The following RASA1 variants were observed in gnomAD, a reference collection of about 807,000 sequenced individuals.
RASA1 encodes RAS p21 protein activator 1, also known as ras GTPase-activating protein 1.
RASA1 carries 25 observed loss-of-function variants against 132.2 expected under a neutral mutation model. The observed-to-expected ratio is 0.19, with a 90% confidence interval of 0.14 to 0.26. The LOEUF is 0.26. RASA1 is among the 10% of genes least tolerant of loss of function. The pLI, the probability that RASA1 is intolerant of heterozygous loss-of-function variation, is 1.00. For synonymous variants in RASA1, 477 were observed against 449.9 expected, an observed-to-expected ratio of 1.06 and a Z score of -0.76; for missense variants, 964 against 1,299.2, an observed-to-expected ratio of 0.74 and a Z score of 3.97.
chr5:87,323,223 T>A (rs1756956044), intron 1 of RASA1, among the ~76,000 whole-genome samples: 1 of 152,192 alleles, frequency 6.6e-6, no homozygotes, highest in Non-Finnish European at 1.5e-5. Flanking sequence ...TTCACCCTTA[T>A]TTTTTTAAAA....
At chr5:87,364,325 A>G (rs1392334243) in intron 11 of RASA1, among the ~76,000 whole-genome samples, 2 of 152,144 alleles carry the variant, frequency 1.3e-5, no homozygotes, top group Admixed American at 1.3e-4. Flanking sequence ...TGTGTTTAGG[A>G]GATCACATTA....
intron 1 of RASA1, among the ~76,000 whole-genome samples, chr5:87,271,452 CTTTTTTTTTTTTTTTT>C (rs201918763): frequency 0.012 from 454 of 38,262 alleles, 16 homozygotes; most frequent in Admixed American, 0.038. Flanking sequence ...TAGTAGACTT[CTTTTTTTTTTTTTTTT>C]TTTTTTTTTT....
At chr5:87,338,171 A>G in intron 5 of RASA1, 80 bp downstream of exon 5, 1 of 1,585,722 alleles carries the variant, frequency 6.3e-7, no homozygotes, top group Non-Finnish European at 8.6e-7. Flanking sequence ...CAGAGAAAGT[A>G]GCTATGAATA....
chr5:87,371,041 T>C (rs1760900238), intron 12 of RASA1, among the ~76,000 whole-genome samples: 1 of 152,170 alleles, frequency 6.6e-6, no homozygotes, highest in South Asian at 2.1e-4. Context: ...ATGATTTTTT[T>C]AAATGTTAGA....
chr5:87,331,065 TAGC>T (rs2112364953), intron 1 of RASA1: 19 of 1,103,984 alleles, frequency 1.7e-5, no homozygotes, highest in Admixed American at 2.9e-5. Context: ...ATATTTTGAA[TAGC>T]AGGCAATCCT....
At position 87,268,289 on chromosome 5, in the gene RASA1, C is replaced by A; in HGVS notation, c.-163C>A. 1.9e-6 allele frequency: 2 copies of A among 1,062,840 alleles called. No homozygotes were observed. Among genetic ancestry groups the A allele is most frequent in the Non-Finnish European group, 2.6e-6 (2 of 761,598 alleles). The allele number at this position is 1,062,840 out of a possible 1,614,324, so 65.8% of individuals were successfully genotyped here. On this transcript the variant is annotated 5_prime_UTR_variant, in exon 1 of 25. Transcript: ENST00000274376. ...CAGCTGGGGAGCCTGGGCTGTGGCC[C>A]TAGGAGGGGGCGCGGCGGCGGGCTC...
chr5:87,304,486 G>A (rs77953215), intron 1 of RASA1, among the ~76,000 whole-genome samples: 19 of 85,022 alleles, frequency 2.2e-4, no homozygotes, highest in Admixed American at 1.1e-3. Flanking sequence ...TTTTTTTTTT[G>A]ACATGGAGTC....
chr5:87,299,573 T>C (rs1386811887), intron 1 of RASA1: 1 of 152,194 alleles, frequency 6.6e-6, no homozygotes, highest in Non-Finnish European at 1.5e-5. Flanking sequence ...AATGTTTTGA[T>C]ATGCATATAT....
intron 1 of RASA1, among the ~76,000 whole-genome samples, chr5:87,288,047 TA>T (rs1175999089): frequency 1.8e-5 from 1 of 55,352 alleles, no homozygotes; most frequent in East Asian, 5.3e-4. Context: ...ACCATATATA[TA>T]CCATATATAC....
rs77046520 is a variant in RASA1, at chr5:87,391,113, A to G, written c.*230A>G. The G allele has an allele frequency of 1.6e-6, 1 of 617,076 alleles. No homozygotes were observed. The highest frequency in any genetic ancestry group is 1.8e-5 in the African/African-American group (1 of 54,448). 38.2% of individuals were successfully genotyped at this position (617,076 alleles called of 1,614,324 possible). ...CTATTTCCACATGGAATCAATCTTT[A>G]ACAACCTCTGAGCCTTGGTGTACAG... On this transcript the variant is annotated 3_prime_UTR_variant, in exon 25 of 25. Coordinates refer to ENST00000274376, the MANE Select transcript of RASA1 (RefSeq NM_002890.3).
chr5:87,304,672 TGGG>T (rs1755527175), intron 1 of RASA1, among the ~76,000 whole-genome samples: 2 of 152,092 alleles, frequency 1.3e-5, no homozygotes, highest in African/African-American at 2.4e-5. Context: ...TTCACCATGT[TGGG>T]GAGGCTGGTC....
chr5:87,275,452 T>C (rs897839777), intron 1 of RASA1, among the ~76,000 whole-genome samples: 5 of 152,238 alleles, frequency 3.3e-5, no homozygotes, highest in Non-Finnish European at 7.3e-5. Flanking sequence ...TAATGTCCAC[T>C]GTGGCTTCTT....
At chr5:87,295,720 C>T (rs532876604) in intron 1 of RASA1, among the ~76,000 whole-genome samples, 2 of 152,024 alleles carry the variant, frequency 1.3e-5, no homozygotes, top group South Asian at 2.1e-4. Context: ...CCATGTTGCC[C>T]AGGCCGGTCT....
chr5:87,338,911 G>T (rs569585068), intron 5 of RASA1, among the ~76,000 whole-genome samples: 8 of 151,678 alleles, frequency 5.3e-5, no homozygotes, highest in Admixed American at 3.3e-4. Context: ...CATATAATAC[G>T]TTATCATGGT....
intron 1 of RASA1, among the ~76,000 whole-genome samples, chr5:87,302,264 G>A (rs1407107381): frequency 6.6e-6 from 1 of 151,776 alleles, no homozygotes; most frequent in African/African-American, 2.4e-5. Context: ...TAGCTCTTGT[G>A]GTTTTAATTT....
intron 1 of RASA1, among the ~76,000 whole-genome samples, chr5:87,306,484 G>A (rs1241368803): frequency 6.6e-6 from 1 of 152,050 alleles, no homozygotes; most frequent in African/African-American, 2.4e-5. Context: ...GTAGGAGGGA[G>A]AGGACCAGGA....
At chr5:87,389,954 C>T (rs1178093938) in intron 24 of RASA1, among the ~76,000 whole-genome samples, 2 of 152,114 alleles carry the variant, frequency 1.3e-5, no homozygotes, top group Non-Finnish European at 2.9e-5. Context: ...TCAAATTTCA[C>T]ATCCAGAGGT....
At chr5:87,341,874 C>G (rs77045754) in intron 6 of RASA1, among the ~76,000 whole-genome samples, 3,472 of 152,182 alleles carry the variant, frequency 0.023, 83 homozygotes, top group African/African-American at 0.05. Context: ...TCTTATCTTT[C>G]AGCATTTAGG....
At chr5:87,313,508 C>G (rs1756080597) in intron 1 of RASA1, among the ~76,000 whole-genome samples, 1 of 152,138 alleles carries the variant, frequency 6.6e-6, no homozygotes, top group South Asian at 2.1e-4. Flanking sequence ...ATAGGCAGGA[C>G]TTTTTGACAG....
Sources: allele counts gnomAD v4.1 joint callset (sites outside exome capture counted in the v4.1 genomes callset), GRCh38; gene constraint gnomAD v4.1.1; transcripts MANE v1.5; gene names NCBI Gene and HGNC (gene_info 2026-07-23, HGNC 2026-07-21).